The following RORA variants were observed in gnomAD, a reference collection of about 807,000 sequenced individuals.
The protein encoded by RORA is nuclear receptor ROR-alpha.
Under a neutral mutation model 69.5 loss-of-function variants are expected in RORA, and 7 were observed. That is an observed-to-expected ratio of 0.10 (90% CI 0.06 to 0.19). The LOEUF (loss-of-function observed/expected upper bound fraction) is 0.19, where lower values mean the gene tolerates loss of function less well. Ranked by LOEUF, RORA falls within the 10% of genes least tolerant of loss-of-function variation. The pLI is 1.00. For synonymous variants in RORA, 261 were observed against 240.8 expected, an observed-to-expected ratio of 1.08 and a Z score of -0.78; for missense variants, 457 against 663.0, an observed-to-expected ratio of 0.69 and a Z score of 3.41.
intron 10 of RORA, among the ~76,000 whole-genome samples, chr15:60,498,870 A>C (rs965989760): frequency 6.6e-5 from 10 of 151,982 alleles, no homozygotes; most frequent in South Asian, 4.1e-4. Context: ...AAAAAAAAAA[A>C]AAACAAGCAA....
intron 1 of RORA, among the ~76,000 whole-genome samples, chr15:60,945,092 G>A (rs1398281995): frequency 1.3e-5 from 2 of 152,144 alleles, no homozygotes; most frequent in African/African-American, 2.4e-5. Flanking sequence ...GAAGGCTATA[G>A]TTTAATATAC....
intron 2 of RORA, among the ~76,000 whole-genome samples, chr15:60,570,141 G>C (rs2067838230): frequency 6.6e-6 from 1 of 152,064 alleles, no homozygotes; most frequent in Admixed American, 6.6e-5. Context: ...GCCGATCACG[G>C]GCCATCAGTA....
intron 2 of RORA, among the ~76,000 whole-genome samples, chr15:60,596,209 G>A (rs1308272604): frequency 1.3e-5 from 2 of 152,082 alleles, no homozygotes; most frequent in African/African-American, 4.8e-5. Context: ...AACTTATCCC[G>A]AATCTGCAAG....
chr15:61,130,343 C>T (rs534111845), intron 1 of RORA, among the ~76,000 whole-genome samples: 1 of 152,212 alleles, frequency 6.6e-6, no homozygotes, highest in South Asian at 2.1e-4. Context: ...TTCCACAACC[C>T]TCTCATTTCA....
intron 1 of RORA, among the ~76,000 whole-genome samples, chr15:61,209,600 G>C (rs1029666012): frequency 2.0e-5 from 3 of 152,192 alleles, no homozygotes; most frequent in Non-Finnish European, 4.4e-5. Context: ...AGAAGGTGGG[G>C]CCTCTAGAAA....
chr15:61,177,557 C>G (rs920232878), intron 1 of RORA, among the ~76,000 whole-genome samples: 1 of 151,994 alleles, frequency 6.6e-6, no homozygotes, highest in African/African-American at 2.4e-5. Flanking sequence ...ACTGTTCGTG[C>G]GTTTTAATGG....
chr15:61,136,307 AGTT>A, intron 1 of RORA, among the ~76,000 whole-genome samples: 1 of 152,116 alleles, frequency 6.6e-6, no homozygotes. Context: ...TTTCTTAAAC[AGTT>A]ATGTGATGCT....
intron 1 of RORA, among the ~76,000 whole-genome samples, chr15:60,932,045 A>T (rs552430032): frequency 1.4e-5 from 2 of 147,070 alleles, no homozygotes; most frequent in East Asian, 1.9e-4. Context: ...TTTTTTTTTT[A>T]AATGAAGATC....
intron 1 of RORA, among the ~76,000 whole-genome samples, chr15:61,166,339 T>C (rs1259355262): frequency 6.6e-6 from 1 of 152,146 alleles, no homozygotes; most frequent in Non-Finnish European, 1.5e-5. Flanking sequence ...TCTCTTGGAA[T>C]ACCAGAATAA....
chr15:60,919,893 CAATAACA>C (rs1891991929), intron 1 of RORA, among the ~76,000 whole-genome samples: 5 of 152,108 alleles, frequency 3.3e-5, no homozygotes, highest in Admixed American at 3.3e-4. Flanking sequence ...GTCAACTAAT[CAATAACA>C]AATAAACAAA....
intron 1 of RORA, among the ~76,000 whole-genome samples, chr15:61,202,794 A>C (rs1343450322): frequency 1.3e-5 from 2 of 152,266 alleles, no homozygotes; most frequent in South Asian, 2.1e-4. Context: ...AACAAACAAA[A>C]AAAAGTAGGC....
At chr15:61,098,328 C>T (rs184845960) in intron 1 of RORA, among the ~76,000 whole-genome samples, 5 of 149,544 alleles carry the variant, frequency 3.3e-5, no homozygotes, top group Non-Finnish European at 7.4e-5. Flanking sequence ...TCCCTCCTTC[C>T]TTTCTTCATT....
chr15:60,507,217 AT>A (rs2065535696), intron 5 of RORA, among the ~76,000 whole-genome samples: 1 of 152,192 alleles, frequency 6.6e-6, no homozygotes, highest in Non-Finnish European at 1.5e-5. Context: ...ATAAAACCAT[AT>A]CAAAAAATGA....
At chr15:60,524,412 T>C (rs2066278369) in intron 3 of RORA, among the ~76,000 whole-genome samples, 1 of 152,200 alleles carries the variant, frequency 6.6e-6, no homozygotes, top group South Asian at 2.1e-4. Context: ...CGGGCAGCTC[T>C]TCTCAAAGTC....
chr15:60,909,087 AACCCTGG>A (rs1452306297), intron 1 of RORA, among the ~76,000 whole-genome samples: 3 of 152,134 alleles, frequency 2.0e-5, no homozygotes, highest in African/African-American at 7.2e-5. Context: ...AAGCCACCTG[AACCCTGG>A]ACAGCTCCGC....
intron 1 of RORA, among the ~76,000 whole-genome samples, chr15:60,959,951 C>A (rs1893368991): frequency 6.6e-6 from 1 of 152,162 alleles, no homozygotes; most frequent in African/African-American, 2.4e-5. Flanking sequence ...AGGGTGCGGG[C>A]TTGCCATGCA....
intron 1 of RORA, among the ~76,000 whole-genome samples, chr15:60,697,331 AAACT>A (rs2070919529): frequency 6.6e-6 from 1 of 152,188 alleles, no homozygotes; most frequent in South Asian, 2.1e-4. Flanking sequence ...GTACCCCAAC[AAACT>A]GTTTTTTCAA....
At position 60,495,604 on chromosome 15, in the gene RORA, T is replaced by C. The variant is rs1374173218; in HGVS notation, c.*1851A>G. ...GAAGAGCTGCAATTCCTGTAGAAGATTCCGCAGGGACCCCAATGGCAGAGG... is the reference window on the plus strand; with the variant it reads ...GAAGAGCTGCAATTCCTGTAGAAGACTCCGCAGGGACCCCAATGGCAGAGG... On this transcript the variant is annotated 3_prime_UTR_variant, in exon 11 of 11. Transcript: ENST00000335670. 1.3e-5 allele frequency: 2 copies of C among 152,194 alleles called. No homozygotes were observed. Among genetic ancestry groups the C allele is most frequent in the East Asian group, 1.9e-4 (1 of 5,188 alleles). The allele number at this position is 152,194 out of a possible 1,614,324, so 9.4% of individuals were successfully genotyped here.
intron 1 of RORA, among the ~76,000 whole-genome samples, chr15:60,838,711 T>C (rs1364908629): frequency 3.3e-5 from 5 of 152,176 alleles, no homozygotes; most frequent in Admixed American, 3.3e-4. Context: ...CCAGGGCACA[T>C]GGTTTAACCA....
Sources: allele counts gnomAD v4.1 joint callset (sites outside exome capture counted in the v4.1 genomes callset), GRCh38; gene constraint gnomAD v4.1.1; transcripts MANE v1.5; gene names NCBI Gene and HGNC (gene_info 2026-07-23, HGNC 2026-07-21).